The following PRPF39 variants were observed in gnomAD, a reference collection of about 807,000 sequenced individuals.
PRPF39 encodes the protein pre-mRNA-processing factor 39.
In PRPF39, 27 loss-of-function variants were observed where a neutral mutation model predicts 82.1. The ratio of observed to expected loss-of-function variants is 0.33; its 90% CI spans 0.24 to 0.45. The LOEUF is 0.45. Ranked by LOEUF, PRPF39 falls within the 20% of genes least tolerant of loss-of-function variation. The pLI is 1.00. For missense variants in PRPF39, 581 were observed against 796.9 expected (o/e 0.73, Z 3.26); for synonymous variants, 261 against 256.4 (o/e 1.02, Z -0.17).
At position 45,114,534 on chromosome 14, in the gene PRPF39, A is replaced by G; in HGVS notation, c.1873A>G (p.Thr625Ala). Residue 625 changes from threonine (T) to alanine (A), a missense_variant, in exon 13 of 14, where the codon ACA (threonine) becomes GCA (alanine). Physicochemically the swap from Thr to Ala is moderately conservative, Grantham distance 58. Transcript: ENST00000355765. Reference sequence around the variant, plus strand: ...GGAAAAGAAAGCACATACAGAAGATACAACTTCATCATCTACACAGATGAT... The same window carrying G: ...GGAAAAGAAAGCACATACAGAAGATGCAACTTCATCATCTACACAGATGAT... ...PEEKKAHTED[T>A]TSSSTQMIDG... 1 of 1,594,540 alleles carries G rather than the reference A, an allele frequency of 6.3e-7. No homozygotes were observed. Among genetic ancestry groups the G allele is most frequent in the African/African-American group, 1.4e-5 (1 of 73,776 alleles).
intron 4 of PRPF39, among the ~76,000 whole-genome samples, 151 bp from the exon 5 acceptor site, chr14:45,102,374 GCTTT>G (rs1169849760): frequency 6.6e-6 from 1 of 152,124 alleles, no homozygotes; most frequent in African/African-American, 2.4e-5. Flanking sequence ...GCTGTTGTAT[GCTTT>G]CTGTTATTCT....
intron 1 of PRPF39, among the ~76,000 whole-genome samples, chr14:45,087,720 C>T (rs756379235): frequency 6.6e-6 from 1 of 151,028 alleles, no homozygotes; most frequent in Non-Finnish European, 1.5e-5. Context: ...ACTACAGGCG[C>T]CCGTCACCAT....
At chr14:45,084,994 T>C (rs1379214092) in intron 1 of PRPF39, among the ~76,000 whole-genome samples, 1 of 152,182 alleles carries the variant, frequency 6.6e-6, no homozygotes, top group Non-Finnish European at 1.5e-5. Context: ...TTGATACTCA[T>C]ATGGCCTTCT....
intron 4 of PRPF39, 122 bp downstream of exon 4, chr14:45,097,127 T>TAC: frequency 7.4e-7 from 1 of 1,349,832 alleles, no homozygotes; most frequent in Non-Finnish European, 9.7e-7. Flanking sequence ...AAAAAAATGA[T>TAC]ACATGTAATA....
At chr14:45,098,690 C>G (rs1884278892) in intron 4 of PRPF39, among the ~76,000 whole-genome samples, 1 of 152,012 alleles carries the variant, frequency 6.6e-6, no homozygotes. Context: ...CCATTTTTTC[C>G]TCTCCTTTGA....
At position 45,110,608 on chromosome 14, in the gene PRPF39, G is replaced by A; in HGVS notation, c.1363G>A (p.Ala455Thr). Residue 455 changes from alanine (A) to threonine (T), a missense_variant, in exon 10 of 14, where the codon GCA becomes ACA. Transcript: ENST00000355765. This position sits in a 1 kb window ranked among gnomAD's most constrained non-coding sequence, Gnocchi z 4.0. ...ATTTGAAGAATGTGTTCTAGGATTG[G>A]CAATGGTTCGTTTACGAAGAGTAAG... ...KTFEECVLGL[A>T]MVRLRRVSLE... 6.4e-7 allele frequency: 1 copy of A among 1,571,384 alleles called. No homozygotes were observed. The highest frequency in any genetic ancestry group is 8.6e-7 in the Non-Finnish European group (1 of 1,156,704).
At position 45,110,599 on chromosome 14, in the gene PRPF39, C is replaced by T. The variant is rs1380445056; in HGVS notation, c.1354C>T (p.Leu452=). The stretch of plus-strand genomic sequence containing the variant: ...CTTGAAAACATTTGAAGAATGTGTT[C>T]TAGGATTGGCAATGGTTCGTTTACG... ...NILKTFEECV[L]GLAMVRLRRV... Residue 452 remains leucine (L), a synonymous_variant, in exon 10 of 14, where the codon CTA becomes TTA. Transcript: ENST00000355765. This position sits in a 1 kb window ranked among gnomAD's most constrained non-coding sequence, Gnocchi z 4.0. 1.3e-6 allele frequency: 2 copies of T among 1,569,012 alleles called. No homozygotes were observed. Among genetic ancestry groups the T allele is most frequent in the African/African-American group, 2.7e-5 (2 of 73,910 alleles).
intron 6 of PRPF39, 39 bp from the exon 7 acceptor site, chr14:45,108,376 A>T (rs755164281): frequency 6.5e-7 from 1 of 1,539,978 alleles, no homozygotes; most frequent in Non-Finnish European, 8.7e-7. Context: ...TTCAGTATAC[A>T]GTTTGTGAGA....
At chr14:45,099,194 G>A (rs548807959) in intron 4 of PRPF39, among the ~76,000 whole-genome samples, 1 of 152,210 alleles carries the variant, frequency 6.6e-6, no homozygotes, top group East Asian at 1.9e-4. Context: ...GGGTGATTGG[G>A]TGAGTCTTTT....
In PRPF39 at chr14:45,108,540, G is replaced by A. The variant is rs775336463; in HGVS notation, c.1011+18G>A. 1 of 1,571,278 alleles carries A rather than the reference G, an allele frequency of 6.4e-7. No homozygotes were observed. The highest frequency in any genetic ancestry group is 8.6e-7 in the Non-Finnish European group (1 of 1,167,702). ...AAGAAGGTGTAAGTGTTTTTGTTTT[G>A]TAATAGTCTTTAAAATACAAAGTAG... On this transcript the variant is annotated intron_variant, in intron 7 of 13. Coordinates refer to ENST00000355765, the MANE Select transcript of PRPF39 (RefSeq NM_017922.4).
At chr14:45,091,875 G>T (rs1462269488) in intron 1 of PRPF39, among the ~76,000 whole-genome samples, 1 of 152,168 alleles carries the variant, frequency 6.6e-6, no homozygotes, top group Non-Finnish European at 1.5e-5. Context: ...CAAAGTAATA[G>T]AAAACTTGTA....
At chr14:45,105,626 A>C (rs1417014709) in intron 5 of PRPF39, among the ~76,000 whole-genome samples, 2 of 150,224 alleles carry the variant, frequency 1.3e-5, no homozygotes, top group Non-Finnish European at 2.9e-5. Context: ...TCCCAGGTTC[A>C]AGTGATTCTC....
intron 10 of PRPF39, 82 bp from the exon 11 acceptor site, chr14:45,112,235 GA>G: frequency 8.6e-7 from 1 of 1,157,918 alleles, no homozygotes; most frequent in Non-Finnish European, 1.2e-6. Context: ...TTCAAATTGA[GA>G]CATAAAAACT....
At position 45,095,395 on chromosome 14, in the gene PRPF39, T is replaced by C; in HGVS notation, c.156T>C (p.Asn52=). 6.2e-7 allele frequency: 1 copy of C among 1,613,974 alleles called. No homozygotes were observed. Among genetic ancestry groups the C allele is most frequent in the South Asian group, 1.1e-5 (1 of 91,082 alleles). Residue 52 remains asparagine (N), a synonymous_variant, in exon 2 of 14, where the codon AAT becomes AAC. Coordinates refer to ENST00000355765, the MANE Select transcript of PRPF39 (RefSeq NM_017922.4). Reference sequence around the variant, plus strand: ...CACCTGATGACTCTCCCAATGTGAATGCATCTACAGAAGAAACTGAAATGG... The same window carrying C: ...CACCTGATGACTCTCCCAATGTGAACGCATCTACAGAAGAAACTGAAATGG... ...EQSPDDSPNV[N]ASTEETEMAS...
At chr14:45,096,282 TAACAA>T (rs1464148656) in intron 3 of PRPF39, 54 bp downstream of exon 3, 10 of 1,388,278 alleles carry the variant, frequency 7.2e-6, no homozygotes, top group South Asian at 2.7e-5. Flanking sequence ...AGCCAATTAA[TAACAA>T]AACAAAGATT....
rs150987705 is a variant in PRPF39, at chr14:45,086,473, T to C, written c.-20+2224T>C. Among the ~76,000 whole-genome samples, 460 of 152,292 alleles carry C rather than the reference T, an allele frequency of 3.0e-3. 3 individuals are homozygous for C. The highest frequency in any genetic ancestry group is 0.011 in the African/African-American group (448 of 41,548). ...CATATGATTTTATAATAAAGTGTAATGTAGTGAAAAGGAATCGACTGGTTT... is the reference window on the plus strand; with the variant it reads ...CATATGATTTTATAATAAAGTGTAACGTAGTGAAAAGGAATCGACTGGTTT... On this transcript the variant is annotated intron_variant, in intron 1 of 13. Transcript: ENST00000355765.
chr14:45,108,697 T>A (rs1464374762), intron 7 of PRPF39, among the ~76,000 whole-genome samples, 175 bp downstream of exon 7: 2 of 152,218 alleles, frequency 1.3e-5, no homozygotes, highest in Non-Finnish European at 2.9e-5. Context: ...TTTTCCCTGA[T>A]GAGTTTTAGA....
At position 45,110,957 on chromosome 14, in the gene PRPF39, C is replaced by T; in HGVS notation, c.1572+140C>T. 2 of 836,248 alleles carry T rather than the reference C, an allele frequency of 2.4e-6. No individual in the cohort carries two copies. Among genetic ancestry groups the T allele is most frequent in the Non-Finnish European group, 3.6e-6 (2 of 560,878 alleles). 51.8% of individuals were successfully genotyped at this position (836,248 alleles called of 1,614,324 possible). A position where few individuals can be genotyped will look rare whatever the true frequency, so the allele number is the denominator to read the frequency against. The stretch of plus-strand genomic sequence containing the variant: ...AAATGAGGACAACAGTCCCTCTAAA[C>T]TGATGTTGCCATTTAAAAATTTTTT... On this transcript the variant is annotated intron_variant, in intron 10 of 13. Coordinates refer to ENST00000355765, the MANE Select transcript of PRPF39 (RefSeq NM_017922.4). The surrounding 1 kb of genome is among the most constrained non-coding windows in gnomAD (Gnocchi z 4.0).
chr14:45,102,613 G>T lies in PRPF39; in HGVS notation c.654G>T (p.Glu218Asp), dbSNP rs1241989962. Residue 218 changes from glutamate to aspartate, a missense_variant, in exon 5 of 14, where the codon GAG becomes GAT. Coordinates refer to ENST00000355765, the MANE Select transcript of PRPF39 (RefSeq NM_017922.4). ...LWEMYINWEN[E>D]QGNLREVTAI... The stretch of plus-strand genomic sequence containing the variant: ...AAATGTATATAAACTGGGAAAATGA[G>T]CAGGGAAACCTGAGAGAAGTTACAG... 6.2e-7 allele frequency: 1 copy of T among 1,611,614 alleles called. No individual in the cohort carries two copies. Among genetic ancestry groups the T allele is most frequent in the Admixed American group, 1.7e-5 (1 of 59,820 alleles).
Sources: allele counts gnomAD v4.1 joint callset (sites outside exome capture counted in the v4.1 genomes callset), GRCh38; gene constraint gnomAD v4.1.1; non-coding constraint Gnocchi (gnomAD v3.1); transcripts MANE v1.5; gene names NCBI Gene and HGNC (gene_info 2026-07-23, HGNC 2026-07-21).